Variants in COL18A1 observed in about 807,000 individuals in gnomAD.
COL18A1 encodes collagen type XVIII alpha 1 chain, also known as collagen alpha-1(XVIII) chain.
Under a neutral mutation model 168.0 loss-of-function variants are expected in COL18A1, and 133 were observed. The observed-to-expected ratio is 0.79, with a 90% confidence interval of 0.69 to 0.91. The LOEUF (loss-of-function observed/expected upper bound fraction) is 0.91. Ranked by LOEUF, COL18A1 falls within the 40% of genes least tolerant of loss-of-function variation. The pLI is 0.00. For synonymous variants in COL18A1, 949 were observed against 809.0 expected, an observed-to-expected ratio of 1.17 and a Z score of -2.94; for missense variants, 2,126 against 1,925.4, an observed-to-expected ratio of 1.10 and a Z score of -1.95.
At position 45,496,487 on chromosome 21, in the gene COL18A1, G is replaced by A. The variant is rs1468857964; in HGVS notation, c.2509-13G>A. ...CAGGCCATAAGCCTAACAGCTCTCTGCCCTCCCCACAGGGAATGCCCGGCC... is the reference window on the plus strand; with the variant it reads ...CAGGCCATAAGCCTAACAGCTCTCTACCCTCCCCACAGGGAATGCCCGGCC... On this transcript the variant is annotated splice_polypyrimidine_tract_variant and intron_variant, in intron 29 of 41. Coordinates refer to ENST00000651438, the MANE Select transcript of COL18A1 (RefSeq NM_001379500.1). 4 of 1,247,636 alleles carry A rather than the reference G, an allele frequency of 3.2e-6. No homozygotes were observed. Among genetic ancestry groups the A allele is most frequent in the Non-Finnish European group, 4.7e-6 (4 of 845,710 alleles). The allele number at this position is 1,247,636 out of a possible 1,614,324, so 77.3% of individuals were successfully genotyped here.
At chr21:45,459,980 G>GTAGCA (rs111854292) in intron 2 of COL18A1, among the ~76,000 whole-genome samples, 4,285 of 152,278 alleles carry the variant, frequency 0.028, 210 homozygotes, top group African/African-American at 0.097. Flanking sequence ...CCCTGGGACC[G>GTAGCA]GAGGCAGGTG....
chr21:45,511,302 G>A, intron 41 of COL18A1, 76 bp downstream of exon 41: 1 of 766,364 alleles, frequency 1.3e-6, no homozygotes, highest in Non-Finnish European at 2.3e-6. Flanking sequence ...CCTATCTGCA[G>A]TTTCCCCCCG....
intron 2 of COL18A1, among the ~76,000 whole-genome samples, chr21:45,437,691 C>T (rs1346759031): frequency 6.1e-5 from 4 of 65,858 alleles, no homozygotes; most frequent in East Asian, 5.3e-4. Flanking sequence ...CTCTCCTGCA[C>T]ACACACACAC....
chr21:45,487,267 G>C (rs905708701), intron 16 of COL18A1, among the ~76,000 whole-genome samples, 180 bp from the exon 17 acceptor site: 18 of 152,008 alleles, frequency 1.2e-4, no homozygotes, highest in Admixed American at 3.3e-4. Context: ...GGGCTGCCCC[G>C]GGGGGGCTCC....
chr21:45,496,528 G>A lies in COL18A1; in HGVS notation c.2537G>A (p.Gly846Glu). Residue 846 changes from glycine (G) to glutamate (E), a missense_variant, in exon 30 of 42, where the codon GGG becomes GAG. Gly to Glu is a moderately conservative substitution (Grantham distance 98). Coordinates refer to ENST00000651438, the MANE Select transcript of COL18A1 (RefSeq NM_001379500.1). The stretch of plus-strand genomic sequence containing the variant: ...ATGCCCGGCCCCCCAGGACCTCCAG[G>A]GCCCCCAGGCCCTCCAGGGACTCCT... ...RGMPGPPGPPGPPGPPGTPVY... is the reference protein window; with the variant it reads ...RGMPGPPGPPEPPGPPGTPVY... 6.5e-7 allele frequency: 1 copy of A among 1,530,838 alleles called. No homozygotes were observed. Among genetic ancestry groups the A allele is most frequent in the Non-Finnish European group, 9.0e-7 (1 of 1,104,990 alleles). The allele number at this position is 1,530,838 out of a possible 1,614,324, so 94.8% of individuals were successfully genotyped here.
rs2146120838 is a variant in COL18A1, at chr21:45,509,514, A to C, written c.3408A>C (p.Gly1136=). ...PRLPEPQPYP[G]APHHSSYVHL... ...TGCCCGAGCCCCAGCCCTACCCCGG[A>C]GCCCCGCACCACAGCTCCTACGTGC... The change falls in exon 39 of 42, where the codon GGA becomes GGC. Residue 1136 remains glycine, a synonymous_variant. Coordinates refer to ENST00000651438, the MANE Select transcript of COL18A1 (RefSeq NM_001379500.1). 1 of 1,532,864 alleles carries C rather than the reference A, an allele frequency of 6.5e-7. No homozygotes were observed. The highest frequency in any genetic ancestry group is 8.8e-7 in the Non-Finnish European group (1 of 1,138,780). The allele number at this position is 1,532,864 out of a possible 1,614,324, so 95.0% of individuals were successfully genotyped here.
In COL18A1 at chr21:45,443,057, CGGT is replaced by C. The variant is rs1165365013; in HGVS notation, c.107-25177_107-25175del. On this transcript the variant is annotated intron_variant, in intron 2 of 41. Transcript: ENST00000651438. The surrounding 1 kb of genome is among the most constrained non-coding windows in gnomAD (Gnocchi z 5.2). ...ATGTGGGCGGCGGTGCTGGTGTGGG[CGGT>C]GGTGGTGCTGGTGTGGGTGGTGGTG... Among the ~76,000 whole-genome samples, 10 of 93,366 alleles carry C rather than the reference CGGT, an allele frequency of 1.1e-4. No homozygotes were observed. The highest frequency in any genetic ancestry group is 4.5e-4 in the African/African-American group (9 of 19,976). 61.3% of individuals were successfully genotyped at this position (93,366 alleles called of 152,430 possible). A position where few individuals can be genotyped will look rare whatever the true frequency, so the allele number is the denominator to read the frequency against.
At chr21:45,442,004 G>A (rs1043067461) in intron 2 of COL18A1, among the ~76,000 whole-genome samples, 2 of 152,240 alleles carry the variant, frequency 1.3e-5, no homozygotes, top group Admixed American at 6.5e-5. Context: ...CATCTTGTGT[G>A]CTTCTCACAG....
At chr21:45,470,898 G>C (rs1007961498) in intron 3 of COL18A1, among the ~76,000 whole-genome samples, 40 of 149,190 alleles carry the variant, frequency 2.7e-4, no homozygotes, top group Non-Finnish European at 5.1e-4. Context: ...GGAGCTAGAG[G>C]GCCCTGGGTC....
rs749879430 is a variant in COL18A1 at position 45,476,494 on chromosome 21, T to G, written c.928+14T>G. 6 of 1,587,694 alleles carry G rather than the reference T, an allele frequency of 3.8e-6. No homozygotes were observed. The highest frequency in any genetic ancestry group is 5.1e-6 in the Non-Finnish European group (6 of 1,166,528). On this transcript the variant is annotated intron_variant, in intron 6 of 41. Transcript: ENST00000651438. Reference sequence around the variant, plus strand: ...CTTCGTTAGGAGGTAAGCTCTTTTCTGGATGTGGTGTGTGTGTGGTGTGGG... The same window carrying G: ...CTTCGTTAGGAGGTAAGCTCTTTTCGGGATGTGGTGTGTGTGTGGTGTGGG...
In COL18A1 at chr21:45,497,634, G is replaced by A. The variant is rs867693360; in HGVS notation, c.2656G>A (p.Gly886Arg). ...QGPPGPKGAK[G>R]EVGPPGPPGQ... ...CCCTCCAGGACCCAAGGGCGCCAAAGGAGAAGTGGGCCCCCCCGGACCACC... is the reference window on the plus strand; with the variant it reads ...CCCTCCAGGACCCAAGGGCGCCAAAAGAGAAGTGGGCCCCCCCGGACCACC... The change falls in exon 32 of 42, where the codon GGA becomes AGA. Residue 886 changes from glycine (G) to arginine (R), a missense_variant. Gly to Arg is a moderately radical substitution (Grantham distance 125). Transcript: ENST00000651438. The A allele has an allele frequency of 3.2e-6, 5 of 1,570,212 alleles. No homozygotes were observed. The East Asian group carries it at 7.1e-5, about 22-fold the overall frequency.
chr21:45,507,732 A>G, intron 38 of COL18A1, 139 bp downstream of exon 38: 1 of 823,454 alleles, frequency 1.2e-6, no homozygotes, highest in Non-Finnish European at 2.0e-6. Flanking sequence ...CCCCTGCTGC[A>G]GAAACTGGTG....
Position 45,478,361 on chromosome 21 carries a change from T to C in COL18A1, c.1248+8T>C. On this transcript the variant is annotated splice_region_variant and intron_variant, in intron 9 of 41. Transcript: ENST00000651438. ...GGTGAAGACGGAAAGCCGGTGAGTC[T>C]GCTTTTCTTTCTGACCCCTGTGTTA... is the stretch of plus-strand genomic sequence containing the variant. 1.2e-6 allele frequency: 2 copies of C among 1,614,210 alleles called. No homozygotes were observed. Among genetic ancestry groups the C allele is most frequent in the Non-Finnish European group, 1.7e-6 (2 of 1,180,026 alleles).
At chr21:45,500,316 G>T (rs1397783444) in intron 32 of COL18A1, among the ~76,000 whole-genome samples, 6 of 76,074 alleles carry the variant, frequency 7.9e-5, no homozygotes, top group South Asian at 3.9e-4. Context: ...GTGTGTAGTG[G>T]GGGTGTGAGG....
chr21:45,405,197 A>G lies in COL18A1; in HGVS notation c.-34A>G. On this transcript the variant is annotated 5_prime_UTR_variant, in exon 1 of 42. Coordinates refer to ENST00000651438, the MANE Select transcript of COL18A1 (RefSeq NM_001379500.1). Reference sequence around the variant, plus strand: ...GCGGGTGCACCGCGGCGGAGGAGGCAGCATCCCGCGGCGCTGACGGTCCTG... The same window carrying G: ...GCGGGTGCACCGCGGCGGAGGAGGCGGCATCCCGCGGCGCTGACGGTCCTG... 5.6e-6 allele frequency: 1 copy of G among 178,208 alleles called. No individual in the cohort carries two copies. Among genetic ancestry groups the G allele is most frequent in the South Asian group, 1.8e-4 (1 of 5,604 alleles). 11.0% of individuals were successfully genotyped at this position (178,208 alleles called of 1,614,324 possible). A position where few individuals can be genotyped will look rare whatever the true frequency, so the allele number is the denominator to read the frequency against.
chr21:45,406,346 T>A (rs903575455), intron 2 of COL18A1, among the ~76,000 whole-genome samples: 2 of 151,944 alleles, frequency 1.3e-5, no homozygotes, highest in African/African-American at 2.4e-5. Context: ...CTACAGCGGG[T>A]GAGGAAGCAG....
rs1298250633 is a variant in COL18A1, at chr21:45,473,349, G to A, written c.652-546G>A. Among the ~76,000 whole-genome samples, 2 of 152,238 alleles carry A rather than the reference G, an allele frequency of 1.3e-5. No homozygotes were observed. The highest frequency in any genetic ancestry group is 4.8e-5 in the African/African-American group (2 of 41,472). ...GAGATTGGGTCCGGACGGAATGGGC[G>A]CAGAGATCCAGGAAACTCCCCTACA... is the stretch of plus-strand genomic sequence containing the variant. On this transcript the variant is annotated intron_variant, in intron 3 of 41. Coordinates refer to ENST00000651438, the MANE Select transcript of COL18A1 (RefSeq NM_001379500.1). This position sits in a 1 kb window ranked among gnomAD's most constrained non-coding sequence, Gnocchi z 4.0.
intron 40 of COL18A1, 114 bp downstream of exon 40, chr21:45,510,375 C>T: frequency 1.6e-6 from 2 of 1,225,672 alleles, no homozygotes; most frequent in Middle Eastern, 2.1e-4. Flanking sequence ...ATGTTACAGA[C>T]ACTGGCGCCT....
intron 2 of COL18A1, among the ~76,000 whole-genome samples, chr21:45,432,235 G>C (rs965902809): frequency 7.3e-6 from 1 of 136,238 alleles, no homozygotes; most frequent in African/African-American, 3.3e-5. Flanking sequence ...CTGAAGGTCA[G>C]AGCTGGGGCT....
Sources: allele counts gnomAD v4.1 joint callset (sites outside exome capture counted in the v4.1 genomes callset), GRCh38; gene constraint gnomAD v4.1.1; non-coding constraint Gnocchi (gnomAD v3.1); transcripts MANE v1.5; gene names NCBI Gene and HGNC (gene_info 2026-07-23, HGNC 2026-07-21).